Variants in WDR7 observed in about 807,000 individuals in gnomAD.
The protein encoded by WDR7 is WD repeat-containing protein 7.
WDR7 carries 46 observed loss-of-function variants against 169.4 expected under a neutral mutation model. That is an observed-to-expected ratio of 0.27 (90% CI 0.21 to 0.35). The LOEUF is 0.35. Among genes scored for constraint, WDR7 ranks in the 10% least tolerant of loss-of-function variants. WDR7 has a pLI of 1.00. For missense variants in WDR7, 1,534 were observed against 1,859.3 expected (o/e 0.83, Z 3.22); for synonymous variants, 612 against 666.8 (o/e 0.92, Z 1.27).
chr18:56,940,588 A>G (rs1399506600), intron 25 of WDR7, among the ~76,000 whole-genome samples: 2 of 152,188 alleles, frequency 1.3e-5, no homozygotes, highest in South Asian at 2.1e-4. Context: ...AGAATTGTAT[A>G]TATTAAATCT....
intron 21 of WDR7, among the ~76,000 whole-genome samples, chr18:56,880,492 T>C (rs1284762709): frequency 6.6e-6 from 1 of 152,250 alleles, no homozygotes; most frequent in Non-Finnish European, 1.5e-5. Context: ...TGGAAAACTA[T>C]GCAGTTTGTT....
Position 56,731,037 on chromosome 18 carries a change from A to T in WDR7, c.1775-346A>T, listed in dbSNP as rs145945261. Among the ~76,000 whole-genome samples the T allele has an allele frequency of 1.0e-3, 156 of 152,334 alleles. 2 individuals are homozygous for T. The East Asian group carries it at 0.028, about 27-fold the overall frequency. Reference sequence around the variant, plus strand: ...TGATATACAACTTAGAGGAAGGTCAAATCATAGATTTTAATGTTTGTAATG... The same window carrying T: ...TGATATACAACTTAGAGGAAGGTCATATCATAGATTTTAATGTTTGTAATG... On this transcript the variant is annotated intron_variant, in intron 13 of 27. Coordinates refer to ENST00000254442, the MANE Select transcript of WDR7 (RefSeq NM_015285.3).
At chr18:56,904,211 A>T (rs1234967808) in intron 21 of WDR7, among the ~76,000 whole-genome samples, 2 of 151,816 alleles carry the variant, frequency 1.3e-5, no homozygotes, top group African/African-American at 4.8e-5. Flanking sequence ...CTGGGATTAC[A>T]GGCACCTGCC....
At chr18:56,862,169 C>T (rs1003356695) in intron 20 of WDR7, among the ~76,000 whole-genome samples, 5 of 151,820 alleles carry the variant, frequency 3.3e-5, no homozygotes, top group Non-Finnish European at 7.4e-5. Context: ...ACTTTACTAT[C>T]GTCCACTATT....
At chr18:56,776,359 A>G (rs1379056190) in intron 16 of WDR7, among the ~76,000 whole-genome samples, 17 of 152,206 alleles carry the variant, frequency 1.1e-4, no homozygotes, top group Admixed American at 1.0e-3. Context: ...TAATTTACAC[A>G]TAATGTCAGA....
At chr18:56,961,352 TTATAAAA>T (rs1172929273) in intron 25 of WDR7, among the ~76,000 whole-genome samples, 1 of 152,024 alleles carries the variant, frequency 6.6e-6, no homozygotes, top group Non-Finnish European at 1.5e-5. Flanking sequence ...TCCTCCCCCC[TTATAAAA>T]TATAAATATT....
chr18:56,652,838 G>A (rs1425842620), intron 1 of WDR7, among the ~76,000 whole-genome samples: 1 of 152,088 alleles, frequency 6.6e-6, no homozygotes, highest in East Asian at 1.9e-4. Flanking sequence ...CTCGGTGACT[G>A]GGTGAATCAA....
chr18:56,996,615 T>G (rs2047902823), intron 26 of WDR7, among the ~76,000 whole-genome samples: 1 of 150,882 alleles, frequency 6.6e-6, no homozygotes, highest in Non-Finnish European at 1.5e-5. Flanking sequence ...TTAGACGATG[T>G]CTGGTAAAAA....
intron 14 of WDR7, among the ~76,000 whole-genome samples, chr18:56,756,093 GTAATATGT>G: frequency 6.6e-6 from 1 of 152,266 alleles, no homozygotes; most frequent in Admixed American, 6.5e-5. Context: ...TAAGTAGACT[GTAATATGT>G]TCTTTATTCA....
At position 56,671,229 on chromosome 18, in the gene WDR7, G is replaced by T. The variant is rs148577255; in HGVS notation, c.-19-1268G>T. Among the ~76,000 whole-genome samples, 242 of 151,260 alleles carry T rather than the reference G, an allele frequency of 1.6e-3. 1 individual carries two copies. The highest frequency in any genetic ancestry group is 5.6e-3 in the African/African-American group (232 of 41,232). On this transcript the variant is annotated intron_variant, in intron 1 of 27. Transcript: ENST00000254442. ...AGAGTTTACAACAAAAGACTTTCAT[G>T]ACCTTCAGGCATAACGGGTTTGGAG...
intron 24 of WDR7, among the ~76,000 whole-genome samples, chr18:56,939,106 C>T (rs1381762675): frequency 6.6e-6 from 1 of 151,994 alleles, no homozygotes; most frequent in Non-Finnish European, 1.5e-5. Flanking sequence ...TATTTTATTG[C>T]ACTGTCCTTT....
At position 56,691,199 on chromosome 18, in the gene WDR7, T is replaced by G. The variant is rs371666966; in HGVS notation, c.718-17T>G. On this transcript the variant is annotated splice_polypyrimidine_tract_variant and intron_variant, in intron 7 of 27. Transcript: ENST00000254442. The stretch of plus-strand genomic sequence containing the variant: ...CAACAATATGGAGTAGATTGTGAAT[T>G]TCTTTCTTCCTTGCAGGTGTTCGAT... 81 of 1,600,168 alleles carry G rather than the reference T, an allele frequency of 5.1e-5. No homozygotes were observed. In the African/African-American group the frequency reaches 8.8e-4, roughly 17 times the overall value.
chr18:56,830,091 T>C (rs2045282599), intron 20 of WDR7, among the ~76,000 whole-genome samples: 2 of 152,184 alleles, frequency 1.3e-5, no homozygotes, highest in South Asian at 2.1e-4. Flanking sequence ...TTGTTAAATA[T>C]GATTTGGGAG....
rs190342071 is a variant in WDR7, at chr18:56,666,536, A to G, written c.-19-5961A>G. On this transcript the variant is annotated intron_variant, in intron 1 of 27. Transcript: ENST00000254442. Reference sequence around the variant, plus strand: ...TTCCTTCTAACACCACTTAGCCCATATTCTCTTTCCTCTCCCAGGAGCCAC... The same window carrying G: ...TTCCTTCTAACACCACTTAGCCCATGTTCTCTTTCCTCTCCCAGGAGCCAC... Among the ~76,000 whole-genome samples the G allele has an allele frequency of 2.0e-3, 304 of 152,014 alleles. 4 individuals are homozygous for G. The highest frequency in any genetic ancestry group is 0.018 in the Admixed American group (270 of 15,270).
intron 26 of WDR7, among the ~76,000 whole-genome samples, chr18:56,978,407 A>G (rs2047597091): frequency 6.6e-6 from 1 of 152,226 alleles, no homozygotes; most frequent in Non-Finnish European, 1.5e-5. Flanking sequence ...GTGCTACTAT[A>G]TATCAGACAC....
At chr18:56,836,126 T>G (rs2045392496) in intron 20 of WDR7, among the ~76,000 whole-genome samples, 1 of 152,244 alleles carries the variant, frequency 6.6e-6, no homozygotes, top group Non-Finnish European at 1.5e-5. Flanking sequence ...TTACAATGTT[T>G]TGTTGAGTGG....
intron 19 of WDR7, among the ~76,000 whole-genome samples, chr18:56,807,055 A>G (rs1053056836): frequency 5.9e-5 from 9 of 151,486 alleles, no homozygotes; most frequent in African/African-American, 2.2e-4. Context: ...GCTTGCTGTT[A>G]TAAATAACAA....
intron 21 of WDR7, among the ~76,000 whole-genome samples, chr18:56,916,469 A>G (rs151059196): frequency 2.1e-3 from 314 of 152,334 alleles, no homozygotes; most frequent in African/African-American, 7.2e-3. Flanking sequence ...ATGGCTGCAT[A>G]GTATTCCATG....
At chr18:56,785,516 T>C (rs1333090906) in intron 19 of WDR7, among the ~76,000 whole-genome samples, 1 of 152,108 alleles carries the variant, frequency 6.6e-6, no homozygotes, top group Non-Finnish European at 1.5e-5. Context: ...TGTCTAAGAG[T>C]CCTTTTCTTA....
Sources: gnomAD v4.1 joint callset for allele counts (sites outside exome capture counted in the v4.1 genomes callset) on GRCh38, gnomAD v4.1.1 for gene constraint, MANE v1.5 for transcripts, NCBI Gene and HGNC (gene_info 2026-07-23, HGNC 2026-07-21) for gene names.